AK5: variants seen among roughly 807,000 people sequenced by gnomAD.
AK5 encodes the protein adenylate kinase 5, also known as adenylate kinase isoenzyme 5.
A neutral mutation model predicts 69.5 loss-of-function variants in AK5; 27 were observed. The observed-to-expected ratio is 0.39, with a 90% CI of 0.29 to 0.54. The LOEUF is 0.54. AK5 is among the 20% of genes least tolerant of loss of function. The pLI, the probability that AK5 is intolerant of heterozygous loss-of-function variation, is 0.71. For missense variants in AK5, 531 were observed against 700.4 expected (o/e 0.76, Z 2.73); for synonymous variants, 260 against 244.4 (o/e 1.06, Z -0.60).
chr1:77,491,063 T>C (rs1051463390), intron 10 of AK5, among the ~76,000 whole-genome samples: 5 of 152,126 alleles, frequency 3.3e-5, no homozygotes, highest in African/African-American at 1.2e-4. Flanking sequence ...CTGGTGTACA[T>C]TGGCATTGAT....
At chr1:77,422,734 G>A (rs147819888) in intron 8 of AK5, among the ~76,000 whole-genome samples, 1 of 152,298 alleles carries the variant, frequency 6.6e-6, no homozygotes, top group East Asian at 1.9e-4. Flanking sequence ...ACTATGTTCT[G>A]CTCTCTGTAT....
At chr1:77,359,450 T>A (rs908343489) in intron 6 of AK5, among the ~76,000 whole-genome samples, 2 of 152,212 alleles carry the variant, frequency 1.3e-5, no homozygotes, top group Non-Finnish European at 2.9e-5. Flanking sequence ...TTTCTTATCC[T>A]TTTCTACAAA....
intron 8 of AK5, among the ~76,000 whole-genome samples, chr1:77,479,502 G>A (rs760983784): frequency 9.2e-5 from 14 of 152,016 alleles, no homozygotes; most frequent in African/African-American, 2.7e-4. Context: ...CACCGTACCC[G>A]GCCTGAAATT....
At chr1:77,357,621 A>G (rs2100427615) in intron 6 of AK5, among the ~76,000 whole-genome samples, 1 of 152,352 alleles carries the variant, frequency 6.6e-6, no homozygotes. Context: ...CTTCTACTGC[A>G]TGCTCAGTTA....
chr1:77,327,534 C>T (rs528129463), intron 5 of AK5, among the ~76,000 whole-genome samples: 1 of 152,284 alleles, frequency 6.6e-6, no homozygotes, highest in Non-Finnish European at 1.5e-5. Context: ...CATTTGACTG[C>T]TTCTTAATAG....
intron 10 of AK5, among the ~76,000 whole-genome samples, chr1:77,505,970 A>G (rs1041087086): frequency 6.6e-6 from 1 of 152,168 alleles, no homozygotes; most frequent in African/African-American, 2.4e-5. Flanking sequence ...CACTTAATAT[A>G]TGCCTAAGAC....
rs574614969 is a variant in AK5 at position 77,403,884 on chromosome 1, A to G, written c.892-7097A>G. 7.2e-4 allele frequency among the ~76,000 whole-genome samples: 109 copies of G among 152,266 alleles called. 1 individual carries two copies. The highest frequency in any genetic ancestry group is 2.3e-3 in the African/African-American group (96 of 41,564). ...TGGCATTGAATCTATAAATTACCTTAGGCAGTATGGCCATTTTCATGATAT... is the reference window on the plus strand; with the variant it reads ...TGGCATTGAATCTATAAATTACCTTGGGCAGTATGGCCATTTTCATGATAT... On this transcript the variant is annotated intron_variant, in intron 6 of 13. Coordinates refer to ENST00000354567, the MANE Select transcript of AK5 (RefSeq NM_174858.3).
chr1:77,292,036 C>A (rs564527388), intron 2 of AK5, among the ~76,000 whole-genome samples: 1 of 152,220 alleles, frequency 6.6e-6, no homozygotes, highest in African/African-American at 2.4e-5. Context: ...GCAGGTAGAT[C>A]AGTAAATAGT....
intron 6 of AK5, among the ~76,000 whole-genome samples, chr1:77,387,681 T>C (rs997545699): frequency 9.9e-5 from 15 of 152,198 alleles, no homozygotes; most frequent in African/African-American, 3.6e-4. Flanking sequence ...AACGTCTTCA[T>C]TTATAGGTGA....
chr1:77,452,690 C>T (rs919480257), intron 8 of AK5, among the ~76,000 whole-genome samples: 3 of 152,216 alleles, frequency 2.0e-5, no homozygotes, highest in Non-Finnish European at 4.4e-5. Flanking sequence ...ACATTCAGTC[C>T]TTCATTCAGC....
At chr1:77,451,665 A>G (rs1009193541) in intron 8 of AK5, among the ~76,000 whole-genome samples, 1 of 152,250 alleles carries the variant, frequency 6.6e-6, no homozygotes, top group African/African-American at 2.4e-5. Flanking sequence ...TCTTGAATGA[A>G]TAAACATGAC....
intron 10 of AK5, among the ~76,000 whole-genome samples, chr1:77,488,147 T>C (rs1001308257): frequency 6.6e-6 from 1 of 152,110 alleles, no homozygotes; most frequent in Non-Finnish European, 1.5e-5. Context: ...GCAGTGGGAA[T>C]TCTTGAGACC....
chr1:77,536,211 A>T (rs1169083400), intron 13 of AK5, among the ~76,000 whole-genome samples, 173 bp downstream of exon 13: 2 of 152,174 alleles, frequency 1.3e-5, no homozygotes, highest in Non-Finnish European at 2.9e-5. Context: ...CTGTAATCCC[A>T]ACACTGTGGG....
chr1:77,410,710 G>C (rs1649985860), intron 6 of AK5, among the ~76,000 whole-genome samples: 1 of 152,092 alleles, frequency 6.6e-6, no homozygotes, highest in Admixed American at 6.6e-5. Context: ...ATTTCAGTTA[G>C]TTTTTCCAAA....
chr1:77,332,675 T>A (rs997005219), intron 5 of AK5, among the ~76,000 whole-genome samples: 2 of 151,874 alleles, frequency 1.3e-5, no homozygotes, highest in African/African-American at 4.8e-5. Flanking sequence ...CAGCCATTGA[T>A]GATTATATGA....
intron 13 of AK5, among the ~76,000 whole-genome samples, chr1:77,542,264 G>A (rs1003432848): frequency 5.3e-5 from 8 of 151,988 alleles, no homozygotes; most frequent in African/African-American, 2.4e-5. Context: ...CGGAGGTTGC[G>A]GTAAGCCAAG....
chr1:77,383,344 T>TA (rs550118786), intron 6 of AK5, among the ~76,000 whole-genome samples: 14 of 152,140 alleles, frequency 9.2e-5, no homozygotes, highest in African/African-American at 3.4e-4. Flanking sequence ...TGAGAAGTCA[T>TA]AAAAAATGGG....
At chr1:77,449,858 G>C (rs375698620) in intron 8 of AK5, among the ~76,000 whole-genome samples, 13 of 152,284 alleles carry the variant, frequency 8.5e-5, no homozygotes, top group African/African-American at 3.1e-4. Flanking sequence ...GCCAGCTTGA[G>C]TTTCTCCTTA....
intron 6 of AK5, among the ~76,000 whole-genome samples, chr1:77,357,158 A>G (rs1419811733): frequency 1.3e-5 from 2 of 152,120 alleles, no homozygotes; most frequent in Non-Finnish European, 2.9e-5. Context: ...CTCAATTTTT[A>G]TTATATTCAA....
Sources: allele counts gnomAD v4.1 joint callset (sites outside exome capture counted in the v4.1 genomes callset), GRCh38; gene constraint gnomAD v4.1.1; transcripts MANE v1.5; gene names NCBI Gene and HGNC (gene_info 2026-07-23, HGNC 2026-07-21).